The following DNAJB14 variants were observed in gnomAD, a reference collection of about 807,000 sequenced individuals.
DNAJB14 encodes the protein dnaJ homolog subfamily B member 14.
In DNAJB14, 22 loss-of-function variants were observed where a neutral mutation model predicts 48.4. That is an observed-to-expected ratio of 0.45 (90% CI 0.32 to 0.65). DNAJB14 has a LOEUF of 0.65. DNAJB14 is among the 30% of genes least tolerant of loss of function. The pLI, the probability that DNAJB14 is intolerant of heterozygous loss-of-function variation, is 0.03. For missense variants in DNAJB14, 319 were observed against 458.8 expected (o/e 0.70, Z 2.78); for synonymous variants, 142 against 158.7 (o/e 0.89, Z 0.79).
At chr4:99,940,285 T>C (rs1726842978) in intron 1 of DNAJB14, among the ~76,000 whole-genome samples, 1 of 152,204 alleles carries the variant, frequency 6.6e-6, no homozygotes, top group Non-Finnish European at 1.5e-5. Context: ...CAAACATGTA[T>C]GTTCAGCTCA....
Position 99,900,066 on chromosome 4 carries a change from A to G in DNAJB14, c.*962T>C, listed in dbSNP as rs1426860769. 4 of 152,426 alleles carry G rather than the reference A, an allele frequency of 2.6e-5. No individual in the cohort carries two copies. Among genetic ancestry groups the G allele is most frequent in the Admixed American group, 1.3e-4 (2 of 15,250 alleles). 9.4% of individuals were successfully genotyped at this position (152,426 alleles called of 1,614,324 possible). A position where few individuals can be genotyped will look rare whatever the true frequency, so the allele number is the denominator to read the frequency against. On this transcript the variant is annotated 3_prime_UTR_variant, in exon 8 of 8. Coordinates refer to ENST00000442697, the MANE Select transcript of DNAJB14 (RefSeq NM_001031723.4). ...GTTAAAAGGCACAAAGCTGTATTTT[A>G]GTACTCATTTTTCTTATTACTTATT...
chr4:99,934,243 A>C (rs867600475), intron 1 of DNAJB14, among the ~76,000 whole-genome samples: 2 of 152,296 alleles, frequency 1.3e-5, no homozygotes, highest in South Asian at 2.1e-4. Context: ...ACATTTTTAA[A>C]CATTACACAA....
intron 1 of DNAJB14, among the ~76,000 whole-genome samples, chr4:99,936,042 T>TC (rs1726662369): frequency 6.6e-6 from 1 of 152,066 alleles, no homozygotes; most frequent in Non-Finnish European, 1.5e-5. Flanking sequence ...CACTCCAACC[T>TC]CGGTGACACA....
chr4:99,923,962 C>T, intron 2 of DNAJB14: 1 of 757,762 alleles, frequency 1.3e-6, no homozygotes. Flanking sequence ...AAGCACATTT[C>T]TAAAGATTAT....
chr4:99,946,413 G>C, intron 1 of DNAJB14, 26 bp downstream of exon 1: 2 of 1,596,404 alleles, frequency 1.3e-6, no homozygotes, highest in Non-Finnish European at 8.5e-7. Context: ...GATTGGGCAG[G>C]AAGAGAAGGG....
intron 3 of DNAJB14, among the ~76,000 whole-genome samples, chr4:99,914,838 T>C (rs1215685464): frequency 6.6e-6 from 1 of 152,154 alleles, no homozygotes; most frequent in African/African-American, 2.4e-5. Flanking sequence ...TAGTATTCTC[T>C]TATTATCCGT....
At chr4:99,921,792 A>G (rs1378072194) in intron 3 of DNAJB14, among the ~76,000 whole-genome samples, 5 of 152,182 alleles carry the variant, frequency 3.3e-5, no homozygotes, top group African/African-American at 1.2e-4. Flanking sequence ...TTAAACAAAT[A>G]TTTATTGTAT....
intron 2 of DNAJB14, chr4:99,927,705 G>A (rs1726305619): frequency 6.6e-6 from 1 of 152,132 alleles, no homozygotes. Context: ...CTTACTGTAA[G>A]CTAGCTCTTA....
chr4:99,926,640 C>T (rs1016656142), intron 2 of DNAJB14: 1 of 151,872 alleles, frequency 6.6e-6, no homozygotes, highest in African/African-American at 2.4e-5. Context: ...GCACAAAAGC[C>T]TGGTCAACTT....
chr4:99,936,049 C>T (rs1726662699), intron 1 of DNAJB14, among the ~76,000 whole-genome samples: 1 of 152,052 alleles, frequency 6.6e-6, no homozygotes, highest in Non-Finnish European at 1.5e-5. Context: ...ACCTCGGTGA[C>T]ACAGACTGTA....
intron 3 of DNAJB14, among the ~76,000 whole-genome samples, chr4:99,919,586 A>AAAAC (rs112393273): frequency 0.075 from 11,350 of 150,740 alleles, 988 homozygotes; most frequent in African/African-American, 0.21. Context: ...TCCATCTTAA[A>AAAAC]AAACAAACAA....
intron 2 of DNAJB14, chr4:99,923,588 C>A: frequency 1.3e-6 from 1 of 795,596 alleles, no homozygotes; most frequent in Non-Finnish European, 1.5e-6. Context: ...TAAGAATGAA[C>A]ATGCATTACA....
At chr4:99,946,309 C>A (rs562469708) in intron 1 of DNAJB14, 130 bp downstream of exon 1, 11 of 1,410,458 alleles carry the variant, frequency 7.8e-6, no homozygotes, top group Non-Finnish European at 1.1e-5. Flanking sequence ...CCCACCGGGC[C>A]TGGGGCTGGG....
chr4:99,943,830 G>A (rs1243215551), intron 1 of DNAJB14, among the ~76,000 whole-genome samples: 1 of 152,138 alleles, frequency 6.6e-6, no homozygotes, highest in Non-Finnish European at 1.5e-5. Context: ...TCCTGGCAAT[G>A]ATTTCTTGAA....
intron 3 of DNAJB14, 56 bp downstream of exon 3, chr4:99,922,984 C>T: frequency 7.3e-6 from 11 of 1,512,348 alleles, no homozygotes; most frequent in South Asian, 2.6e-5. Flanking sequence ...TCTGAAACGC[C>T]GTAAAGTGAA....
chr4:99,905,245 T>G (rs115101876), intron 6 of DNAJB14, among the ~76,000 whole-genome samples: 1,706 of 152,208 alleles, frequency 0.011, 39 homozygotes, highest in African/African-American at 0.039. Context: ...TTCCCCTTAA[T>G]GATATAAATC....
intron 2 of DNAJB14, chr4:99,925,711 A>G (rs1726225877): frequency 6.6e-6 from 1 of 152,198 alleles, no homozygotes; most frequent in Non-Finnish European, 1.5e-5. Flanking sequence ...ATTGGGAGAA[A>G]AACAAGCAAT....
intron 2 of DNAJB14, chr4:99,926,437 G>A (rs1726257155): frequency 6.6e-6 from 1 of 152,158 alleles, no homozygotes; most frequent in South Asian, 2.1e-4. Flanking sequence ...AAGAGAAGCA[G>A]TTAATAGAAG....
At chr4:99,901,247 A>G (rs1411724078) in intron 7 of DNAJB14, 95 bp from the exon 8 acceptor site, 6 of 1,110,780 alleles carry the variant, frequency 5.4e-6, no homozygotes, top group Non-Finnish European at 6.1e-6. Flanking sequence ...CCTTTGATAT[A>G]TTTTGATTAA....
Sources: allele counts gnomAD v4.1 joint callset (sites outside exome capture counted in the v4.1 genomes callset), GRCh38; gene constraint gnomAD v4.1.1; transcripts MANE v1.5; gene names NCBI Gene and HGNC (gene_info 2026-07-23, HGNC 2026-07-21).